Variants in PROM1 observed in about 807,000 individuals in gnomAD.
PROM1 encodes the protein prominin 1.
In PROM1, 105 loss-of-function variants were observed where a neutral mutation model predicts 116.9. That is an observed-to-expected ratio of 0.90 (90% confidence interval 0.77 to 1.06). PROM1 has a LOEUF of 1.06. PROM1 is among the 50% of genes least tolerant of loss of function. The pLI, the probability that PROM1 is intolerant of heterozygous loss-of-function variation, is 0.00. For synonymous variants in PROM1, 393 were observed against 387.0 expected, an observed-to-expected ratio of 1.02 and a Z score of -0.18; for missense variants, 1,122 against 1,045.2, an observed-to-expected ratio of 1.07 and a Z score of -1.01.
intron 12 of PROM1, 53 bp downstream of exon 12, chr4:16,008,896 C>T (rs966490823): frequency 3.4e-5 from 50 of 1,467,878 alleles, no homozygotes; most frequent in Non-Finnish European, 4.3e-5. Flanking sequence ...ATTTTTATCT[C>T]GTTCTCTACA....
chr4:16,042,597 A>AT lies in PROM1; in HGVS notation c.221-3597dup, dbSNP rs561806168. Among the ~76,000 whole-genome samples, 8 of 152,330 alleles carry AT rather than the reference A, an allele frequency of 5.3e-5. No homozygotes were observed. The East Asian group carries it at 1.5e-3, about 29-fold the overall frequency. On this transcript the variant is annotated intron_variant, in intron 2 of 27. Transcript: ENST00000447510. ...ACCCCATAAATTTATACAAATTTAA[A>AT]TTTTTTTAATAAATAAATACAGTGG...
At chr4:16,071,514 G>A (rs884228) in intron 2 of PROM1, among the ~76,000 whole-genome samples, 105,193 of 152,008 alleles carry the variant, frequency 0.69, 37,717 homozygotes, top group Non-Finnish European at 0.8. Flanking sequence ...GATTCTGGGA[G>A]AGGTAATTAG....
At chr4:15,980,701 G>A (rs1717642237) in intron 23 of PROM1, among the ~76,000 whole-genome samples, 164 bp from the exon 24 acceptor site, 2 of 150,382 alleles carry the variant, frequency 1.3e-5, no homozygotes, top group African/African-American at 4.9e-5. Context: ...ACCAGGCACT[G>A]TGTGAAGTGC....
At chr4:16,007,533 T>C (rs76738126) in intron 12 of PROM1, among the ~76,000 whole-genome samples, 1,716 of 152,286 alleles carry the variant, frequency 0.011, 29 homozygotes, top group African/African-American at 0.039. Flanking sequence ...ATTATAGTAA[T>C]AGCCACAGGC....
intron 2 of PROM1, among the ~76,000 whole-genome samples, chr4:16,070,430 T>TA (rs1174117960): frequency 3.9e-5 from 6 of 152,222 alleles, no homozygotes; most frequent in Admixed American, 6.5e-5. Context: ...TTCAAGAGTT[T>TA]AAAAAAAATT....
intron 2 of PROM1, among the ~76,000 whole-genome samples, chr4:16,070,438 A>T (rs1456439541): frequency 6.6e-6 from 1 of 152,158 alleles, no homozygotes. Flanking sequence ...TTTAAAAAAA[A>T]TTTGGTCTGT....
chr4:16,006,785 C>T (rs1725614331), intron 12 of PROM1, 95 bp from the exon 13 acceptor site: 2 of 1,276,316 alleles, frequency 1.6e-6, no homozygotes, highest in Non-Finnish European at 2.2e-6. Context: ...ATGAGTTATT[C>T]TTGGCTTCTA....
In PROM1 at chr4:15,979,383, A is replaced by C. The variant is rs746377383; in HGVS notation, c.2582+12T>G. On this transcript the variant is annotated intron_variant, in intron 26 of 27. Coordinates refer to ENST00000447510, the MANE Select transcript of PROM1 (RefSeq NM_006017.3). ...TCATAGGGCGGGCATGCACTTCCAG[A>C]CTTTGCTTTACCTTGTCATAACAGG... 11 of 1,613,664 alleles carry C rather than the reference A, an allele frequency of 6.8e-6. No homozygotes were observed. The South Asian group carries it at 1.2e-4, about 18-fold the overall frequency.
intron 2 of PROM1, among the ~76,000 whole-genome samples, chr4:16,057,924 A>G (rs1013038168): frequency 6.6e-6 from 1 of 152,222 alleles, no homozygotes; most frequent in African/African-American, 2.4e-5. Context: ...AACAAGGAAC[A>G]TACGAAGCAA....
intron 15 of PROM1, among the ~76,000 whole-genome samples, chr4:15,997,264 AAT>A: frequency 6.8e-6 from 1 of 146,360 alleles, no homozygotes; most frequent in East Asian, 2.0e-4. Flanking sequence ...ATATATATGA[AAT>A]ATATATTCGT....
intron 13 of PROM1, among the ~76,000 whole-genome samples, chr4:16,003,515 A>T (rs535432572): frequency 6.6e-6 from 1 of 152,216 alleles, no homozygotes; most frequent in Non-Finnish European, 1.5e-5. Flanking sequence ...ATTGTTGTCA[A>T]TACCTAAAAT....
chr4:15,974,532 G>A (rs564189122), intron 26 of PROM1, among the ~76,000 whole-genome samples: 351 of 152,296 alleles, frequency 2.3e-3, no homozygotes, highest in African/African-American at 8.1e-3. Flanking sequence ...AATTCTCCTG[G>A]GAAACGCTCC....
intron 20 of PROM1, among the ~76,000 whole-genome samples, chr4:15,986,485 A>G (rs1036094167): frequency 6.6e-6 from 1 of 151,946 alleles, no homozygotes; most frequent in African/African-American, 2.4e-5. Flanking sequence ...GCCAACCCAC[A>G]TGGCAGCTTG....
Position 16,009,071 on chromosome 4 carries a change from G to A in PROM1, c.1179C>T (p.Ile393=), listed in dbSNP as rs373804552. Residue 393 remains isoleucine (I), a synonymous_variant, in exon 12 of 28, where the codon ATC becomes ATT. Coordinates refer to ENST00000447510, the MANE Select transcript of PROM1 (RefSeq NM_006017.3). The stretch of plus-strand genomic sequence containing the variant: ...TAGGAAGACGCTGAGTTACATTGTC[G>A]ATATCTGAACCAATGGAATTCAAGA... ...KRVLNSIGSD[I]DNVTQRLPIQ... 70 of 1,612,152 alleles carry A rather than the reference G, an allele frequency of 4.3e-5. No individual in the cohort carries two copies. The highest frequency in any genetic ancestry group is 1.7e-4 in the Middle Eastern group (1 of 5,936).
At chr4:16,075,662 A>G (rs1289102263) in intron 2 of PROM1, 25 bp downstream of exon 2, 2 of 1,587,414 alleles carry the variant, frequency 1.3e-6, no homozygotes, top group South Asian at 2.3e-5. Flanking sequence ...GATAAATCCT[A>G]TCTTTCCCTG....
At chr4:16,064,862 C>T (rs1578281623) in intron 2 of PROM1, among the ~76,000 whole-genome samples, 1 of 152,092 alleles carries the variant, frequency 6.6e-6, no homozygotes, top group East Asian at 1.9e-4. Context: ...CATTGCACTC[C>T]AGCCTGGGTG....
chr4:15,972,174 T>A (rs1714729540), intron 26 of PROM1, among the ~76,000 whole-genome samples: 1 of 152,108 alleles, frequency 6.6e-6, no homozygotes, highest in African/African-American at 2.4e-5. Flanking sequence ...AGTATATCCA[T>A]CCTATCCTGG....
At chr4:15,997,185 C>T (rs996914679) in intron 15 of PROM1, among the ~76,000 whole-genome samples, 5 of 151,070 alleles carry the variant, frequency 3.3e-5, no homozygotes, top group Admixed American at 6.6e-5. Flanking sequence ...GCAGACACTA[C>T]ACAGTGAGCT....
chr4:16,078,428 T>C (rs1178308894), intron 1 of PROM1: 1 of 152,220 alleles, frequency 6.6e-6, no homozygotes, highest in Non-Finnish European at 1.5e-5. Context: ...GGTAGGTGGG[T>C]GGAAACCAAA....
Sources: allele counts gnomAD v4.1 joint callset (sites outside exome capture counted in the v4.1 genomes callset), GRCh38; gene constraint gnomAD v4.1.1; transcripts MANE v1.5; gene names NCBI Gene and HGNC (gene_info 2026-07-23, HGNC 2026-07-21).